NSD1: variants seen among roughly 807,000 people sequenced by gnomAD.
The protein encoded by NSD1 is nuclear receptor binding SET domain protein 1.
A neutral mutation model predicts 242.7 loss-of-function variants in NSD1; 26 were observed. The observed-to-expected ratio is 0.11, with a 90% CI of 0.08 to 0.15. The LOEUF (loss-of-function observed/expected upper bound fraction) is 0.15, where lower values mean the gene tolerates loss of function less well. NSD1 is among the 10% of genes least tolerant of loss of function. The probability of loss-of-function intolerance (pLI) is 1.00; values close to 1 mark genes in which losing one functional copy is unlikely to be tolerated. For missense variants in NSD1, 2,495 were observed against 3,272.8 expected, an observed-to-expected ratio of 0.76 and a Z score of 5.80; for synonymous variants, 1,106 against 1,178.1, an observed-to-expected ratio of 0.94 and a Z score of 1.25.
At chr5:177,141,319 CTTTTTTTTTTTTTTTTT>C (rs567992731) in intron 2 of NSD1, among the ~76,000 whole-genome samples, 19 of 97,036 alleles carry the variant, frequency 2.0e-4, no homozygotes, top group Non-Finnish European at 1.3e-4. Context: ...CGCGCGCAGC[CTTTTTTTTTTTTTTTTT>C]TTTTTTTTTT....
intron 6 of NSD1, among the ~76,000 whole-genome samples, chr5:177,236,479 C>T (rs974927340): frequency 5.9e-5 from 9 of 152,148 alleles, no homozygotes; most frequent in Non-Finnish European, 8.8e-5. Context: ...CTAACCTTTA[C>T]CTTTGGATTA....
intron 3 of NSD1, among the ~76,000 whole-genome samples, chr5:177,202,618 G>A (rs1246155153): frequency 1.3e-5 from 2 of 152,154 alleles, no homozygotes; most frequent in East Asian, 3.9e-4. Context: ...GGCTCAAGCA[G>A]TCCTCCCACT....
chr5:177,289,072 C>T (rs990842421), intron 21 of NSD1, 147 bp downstream of exon 21: 9 of 695,700 alleles, frequency 1.3e-5, no homozygotes, highest in Non-Finnish European at 2.1e-5. Flanking sequence ...GTAATCCCAG[C>T]ACTTTGGGAG....
chr5:177,296,777 G>GCTACC lies in NSD1; in HGVS notation c.*1321_*1325dup, dbSNP rs1267437939. 4 of 233,248 alleles carry GCTACC rather than the reference G, an allele frequency of 1.7e-5. No individual in the cohort carries two copies. The East Asian group carries it at 2.4e-4, about 14-fold the overall frequency. 14.4% of individuals were successfully genotyped at this position (233,248 alleles called of 1,614,324 possible). A position where few individuals can be genotyped will look rare whatever the true frequency, so the allele number is the denominator to read the frequency against. On this transcript the variant is annotated 3_prime_UTR_variant, in exon 23 of 23. Coordinates refer to ENST00000439151, the MANE Select transcript of NSD1 (RefSeq NM_022455.5). The stretch of plus-strand genomic sequence containing the variant: ...CCCAAGGGCTGGGAAATCTGTTGGT[G>GCTACC]CTACCCTGCCCTACCATTCACCCAG...
At chr5:177,194,899 C>G (rs1178025009) in intron 3 of NSD1, among the ~76,000 whole-genome samples, 1 of 151,772 alleles carries the variant, frequency 6.6e-6, no homozygotes, top group Admixed American at 6.6e-5. Flanking sequence ...TGGCTCACAC[C>G]TGTAATTCCA....
chr5:177,197,013 A>G (rs1762150634), intron 3 of NSD1, among the ~76,000 whole-genome samples: 1 of 152,188 alleles, frequency 6.6e-6, no homozygotes, highest in Non-Finnish European at 1.5e-5. Context: ...CACGCCTGCA[A>G]TCCAGCACTT....
At chr5:177,251,429 A>T (rs1166458384) in intron 11 of NSD1, among the ~76,000 whole-genome samples, 1 of 152,134 alleles carries the variant, frequency 6.6e-6, no homozygotes, top group African/African-American at 2.4e-5. Context: ...TGAACCATTC[A>T]GTAGCTTTCT....
Position 177,134,523 on chromosome 5 carries a change from T to G in NSD1, c.-17-564T>G, listed in dbSNP as rs980814680. Among the ~76,000 whole-genome samples the G allele has an allele frequency of 6.6e-6, 1 of 152,164 alleles. No homozygotes were observed. The highest frequency in any genetic ancestry group is 6.5e-5 in the Admixed American group (1 of 15,282). On this transcript the variant is annotated intron_variant, in intron 1 of 22. Coordinates refer to ENST00000439151, the MANE Select transcript of NSD1 (RefSeq NM_022455.5). This position sits in a 1 kb window ranked among gnomAD's most constrained non-coding sequence, Gnocchi z 4.2. The stretch of plus-strand genomic sequence containing the variant: ...AGCTGCGGATCCAGCAGGCCTGCAT[T>G]CAGGAAGGCGAGCTCTGGGGTGCAG...
chr5:177,198,449 CAG>C (rs1762266387), intron 3 of NSD1, among the ~76,000 whole-genome samples: 1 of 152,100 alleles, frequency 6.6e-6, no homozygotes, highest in Non-Finnish European at 1.5e-5. Flanking sequence ...CGTCATTTGG[CAG>C]AGAGCGAAAG....
chr5:177,191,874 C>T lies in NSD1; in HGVS notation c.928-10C>T. The stretch of plus-strand genomic sequence containing the variant: ...TTCTTATTGATGCCCCATGTTTTGT[C>T]TGTCTAAAGTGTCAACCTAAGAAAA... On this transcript the variant is annotated splice_polypyrimidine_tract_variant and intron_variant, in intron 2 of 22. Coordinates refer to ENST00000439151, the MANE Select transcript of NSD1 (RefSeq NM_022455.5). 6.2e-7 allele frequency: 1 copy of T among 1,613,686 alleles called. No homozygotes were observed. Among genetic ancestry groups the T allele is most frequent in the African/African-American group, 1.3e-5 (1 of 75,014 alleles).
At chr5:177,263,272 T>C (rs987015736) in intron 14 of NSD1, among the ~76,000 whole-genome samples, 2 of 152,260 alleles carry the variant, frequency 1.3e-5, no homozygotes, top group Admixed American at 1.3e-4. Context: ...CAGGTGTATG[T>C]ATATGCCAAT....
At chr5:177,200,743 CTCTCAAT>C (rs1236170082) in intron 3 of NSD1, among the ~76,000 whole-genome samples, 1 of 152,116 alleles carries the variant, frequency 6.6e-6, no homozygotes, top group African/African-American at 2.4e-5. Flanking sequence ...CTTTCTCTCT[CTCTCAAT>C]TTTTTTAAAG....
intron 11 of NSD1, among the ~76,000 whole-genome samples, chr5:177,249,485 G>T (rs899640912): frequency 1.3e-5 from 2 of 149,798 alleles, no homozygotes; most frequent in East Asian, 3.9e-4. Context: ...ATTTATTTTT[G>T]AGACGAAGTC....
At chr5:177,172,164 C>T (rs1759765237) in intron 2 of NSD1, among the ~76,000 whole-genome samples, 2 of 152,164 alleles carry the variant, frequency 1.3e-5, no homozygotes, top group Non-Finnish European at 2.9e-5. Flanking sequence ...GACTCCATTT[C>T]CTCTGATGTC....
intron 5 of NSD1, among the ~76,000 whole-genome samples, chr5:177,231,996 C>G (rs921895430): frequency 5.3e-5 from 8 of 152,056 alleles, no homozygotes; most frequent in African/African-American, 1.7e-4. Flanking sequence ...ATCTCCTGGG[C>G]TGAAGCCATC....
At chr5:177,279,699 C>T (rs961850373) in intron 17 of NSD1, among the ~76,000 whole-genome samples, 1 of 142,276 alleles carries the variant, frequency 7.0e-6, no homozygotes, top group Non-Finnish European at 1.5e-5. Flanking sequence ...CTGCAAGCTC[C>T]GCTGCCTCCC....
chr5:177,212,382 A>G (rs533265685), intron 5 of NSD1, among the ~76,000 whole-genome samples, 187 bp downstream of exon 5: 3 of 152,210 alleles, frequency 2.0e-5, no homozygotes, highest in Admixed American at 2.0e-4. Context: ...TTCCATATAT[A>G]TTCAAAAGTT....
intron 2 of NSD1, among the ~76,000 whole-genome samples, chr5:177,146,434 G>A (rs1464835331): frequency 2.0e-5 from 3 of 151,682 alleles, no homozygotes; most frequent in South Asian, 2.1e-4. Context: ...TCAATCTCCC[G>A]ACCTTGTGAT....
intron 2 of NSD1, among the ~76,000 whole-genome samples, chr5:177,154,643 G>C (rs1247950324): frequency 6.6e-6 from 1 of 151,930 alleles, no homozygotes; most frequent in Non-Finnish European, 1.5e-5. Flanking sequence ...TTCACATAAT[G>C]GTGTATGTTG....
Sources: allele counts gnomAD v4.1 joint callset (sites outside exome capture counted in the v4.1 genomes callset), GRCh38; gene constraint gnomAD v4.1.1; non-coding constraint Gnocchi (gnomAD v3.1); transcripts MANE v1.5; gene names NCBI Gene and HGNC (gene_info 2026-07-23, HGNC 2026-07-21).